CACNA1A: variants seen among roughly 807,000 people sequenced by gnomAD.
CACNA1A encodes the protein calcium voltage-gated channel subunit alpha1 A.
A neutral mutation model predicts 262.4 loss-of-function variants in CACNA1A; 57 were observed. The ratio of observed to expected loss-of-function variants is 0.22; its 90% confidence interval spans 0.18 to 0.27. CACNA1A has a LOEUF of 0.27. Among genes scored for constraint, CACNA1A ranks in the 10% least tolerant of loss-of-function variants. The pLI, the probability that CACNA1A is intolerant of heterozygous loss-of-function variation, is 1.00. For missense variants in CACNA1A, 2,526 were observed against 3,562.8 expected (o/e 0.71, Z 7.41); for synonymous variants, 1,431 against 1,419.3 (o/e 1.01, Z -0.18).
chr19:13,469,693 T>C (rs372314082), intron 1 of CACNA1A, among the ~76,000 whole-genome samples: 265 of 150,644 alleles, frequency 1.8e-3, no homozygotes, highest in African/African-American at 6.2e-3. Context: ...TCGCCTGACC[T>C]TGTGATCCGC....
rs183388114 is a variant in CACNA1A at position 13,464,750 on chromosome 19, G to A, written c.294-9538C>T. Among the ~76,000 whole-genome samples the A allele has an allele frequency of 9.7e-3, 1,462 of 151,236 alleles. 9 individuals carry two copies. The highest frequency in any genetic ancestry group is 0.026 in the African/African-American group (1,054 of 41,210). On this transcript the variant is annotated intron_variant, in intron 1 of 46. Coordinates refer to ENST00000360228, the MANE Select transcript of CACNA1A (RefSeq NM_001127222.2). ...TTTTTAGTAGAGACGGGGTTTCACC[G>A]TGTTAGCCAGGGTGGTCTCGATCTC...
chr19:13,267,584 T>C (rs962509249), intron 24 of CACNA1A, among the ~76,000 whole-genome samples: 9 of 152,082 alleles, frequency 5.9e-5, no homozygotes, highest in African/African-American at 1.9e-4. Context: ...TAAAAGGTTG[T>C]GAGCTTTGAA....
intron 1 of CACNA1A, among the ~76,000 whole-genome samples, chr19:13,471,396 G>A (rs1228744044): frequency 6.6e-6 from 1 of 152,054 alleles, no homozygotes; most frequent in Non-Finnish European, 1.5e-5. Context: ...TGCCTAGTAA[G>A]GAGCTCAATC....
chr19:13,412,712 G>A (rs1221508932), intron 3 of CACNA1A, among the ~76,000 whole-genome samples: 1 of 151,970 alleles, frequency 6.6e-6, no homozygotes, highest in Admixed American at 6.6e-5. Context: ...CCCAACCTCA[G>A]GTGATCTACC....
intron 3 of CACNA1A, among the ~76,000 whole-genome samples, chr19:13,424,534 T>C (rs2060368619): frequency 6.6e-6 from 1 of 152,062 alleles, no homozygotes; most frequent in Non-Finnish European, 1.5e-5. Flanking sequence ...GGCATGATCA[T>C]AGATCACTGT....
chr19:13,320,590 C>G (rs370603705), intron 10 of CACNA1A, among the ~76,000 whole-genome samples: 2 of 152,114 alleles, frequency 1.3e-5, no homozygotes, highest in Non-Finnish European at 2.9e-5. Flanking sequence ...ACATTCCCCA[C>G]GACAGGCATA....
At chr19:13,255,017 A>C in intron 29 of CACNA1A, 78 bp downstream of exon 29, 1 of 1,483,354 alleles carries the variant, frequency 6.7e-7, no homozygotes, top group Admixed American at 1.7e-5. Flanking sequence ...GAAACTGCAG[A>C]TGGTTTCATT....
At chr19:13,480,489 T>TATGTTA (rs1979148570) in intron 1 of CACNA1A, among the ~76,000 whole-genome samples, 1 of 152,168 alleles carries the variant, frequency 6.6e-6, no homozygotes, top group African/African-American at 2.4e-5. Context: ...TGGTAAGGCT[T>TATGTTA]CTGGTCAAGA....
intron 30 of CACNA1A, among the ~76,000 whole-genome samples, chr19:13,248,614 A>G (rs7247410): frequency 0.74 from 112,050 of 151,708 alleles, 42,344 homozygotes; most frequent in East Asian, 0.96. Flanking sequence ...AGGCCGAGGC[A>G]GGCGGATCAC....
rs531211935 is a variant in CACNA1A, at chr19:13,296,405, C to T, written c.3089+2139G>A. ...TGTAATAGGACAATGTCTACGATGTCTATTTTAATGGGTAAGTTGTTGAGT... is the reference window on the plus strand; with the variant it reads ...TGTAATAGGACAATGTCTACGATGTTTATTTTAATGGGTAAGTTGTTGAGT... On this transcript the variant is annotated intron_variant, in intron 19 of 46. Coordinates refer to ENST00000360228, the MANE Select transcript of CACNA1A (RefSeq NM_001127222.2). 2.1e-4 allele frequency among the ~76,000 whole-genome samples: 32 copies of T among 152,286 alleles called. No individual in the cohort carries two copies. The South Asian group carries it at 6.0e-3, about 29-fold the overall frequency.
In CACNA1A at chr19:13,207,910, G is replaced by T. The variant is rs2144492555; in HGVS notation, c.6924C>A (p.Gly2308=). 6.8e-7 allele frequency: 1 copy of T among 1,466,952 alleles called. No homozygotes were observed. The highest frequency in any genetic ancestry group is 1.4e-5 in the South Asian group (1 of 72,998). 90.9% of individuals were successfully genotyped at this position (1,466,952 alleles called of 1,614,324 possible). The change falls in exon 47 of 47, where the codon GGC becomes GGA. Residue 2308 remains glycine (G), a synonymous_variant. Transcript: ENST00000360228. The surrounding 1 kb of genome is among the most constrained non-coding windows in gnomAD (Gnocchi z 5.7). ...SYSPVIRKAG[G]SGPPQQQQQQ... is the part of the protein sequence containing the mutation. ...GCTGCTGCTGCTGCGGGGGCCCCGA[G>T]CCGCCGGCCTTACGGATCACAGGGG...
intron 6 of CACNA1A, among the ~76,000 whole-genome samples, chr19:13,345,251 G>A (rs2058743263): frequency 6.6e-6 from 1 of 152,208 alleles, no homozygotes; most frequent in African/African-American, 2.4e-5. Context: ...TGGAGAAACT[G>A]AAGCTGAGAG....
chr19:13,210,264 G>A (rs2054755049), intron 44 of CACNA1A, among the ~76,000 whole-genome samples: 1 of 152,222 alleles, frequency 6.6e-6, no homozygotes, highest in Admixed American at 6.5e-5. Flanking sequence ...CCTGCTCCAG[G>A]TAGGAGCTGC....
intron 24 of CACNA1A, among the ~76,000 whole-genome samples, chr19:13,270,187 C>T (rs12973989): frequency 0.18 from 26,945 of 151,980 alleles, 2,777 homozygotes; most frequent in Non-Finnish European, 0.24. Flanking sequence ...CCCTCTGGGC[C>T]GCAGTTTCCT....
chr19:13,268,983 G>A (rs528248261), intron 24 of CACNA1A, among the ~76,000 whole-genome samples: 35 of 148,864 alleles, frequency 2.4e-4, no homozygotes, highest in Admixed American at 6.8e-4. Flanking sequence ...ACAGGCGTAA[G>A]CCACCGCACC....
chr19:13,358,454 C>T (rs367553434), intron 6 of CACNA1A, among the ~76,000 whole-genome samples: 52 of 152,282 alleles, frequency 3.4e-4, no homozygotes, highest in African/African-American at 1.2e-3. Flanking sequence ...TGTCCATGTC[C>T]TGCAGTGGAA....
chr19:13,211,350 A>G (rs2054804329), intron 43 of CACNA1A: 1 of 153,454 alleles, frequency 6.5e-6, no homozygotes. Flanking sequence ...CCGGGTGGGC[A>G]GCCAGCTATG....
chr19:13,347,508 C>A (rs984561365), intron 6 of CACNA1A, among the ~76,000 whole-genome samples: 1 of 152,186 alleles, frequency 6.6e-6, no homozygotes, highest in African/African-American at 2.4e-5. Context: ...CGCGGGCCAG[C>A]CACCTGTTTT....
intron 3 of CACNA1A, among the ~76,000 whole-genome samples, chr19:13,376,987 C>T (rs1321665934): frequency 3.5e-5 from 5 of 141,088 alleles, no homozygotes; most frequent in East Asian, 4.0e-4. Flanking sequence ...TAGATGAAGT[C>T]GCACTCTTGT....
Sources: allele counts gnomAD v4.1 joint callset (sites outside exome capture counted in the v4.1 genomes callset), GRCh38; gene constraint gnomAD v4.1.1; non-coding constraint Gnocchi (gnomAD v3.1); transcripts MANE v1.5; gene names NCBI Gene and HGNC (gene_info 2026-07-23, HGNC 2026-07-21).